Variants in TASOR2 observed in about 807,000 individuals in gnomAD.
TASOR2 encodes the protein protein TASOR 2.
Under a neutral mutation model 199.5 loss-of-function variants are expected in TASOR2, and 84 were observed. The ratio of observed to expected loss-of-function variants is 0.42; its 90% CI spans 0.35 to 0.50. The LOEUF is 0.50. TASOR2 is among the 20% of genes least tolerant of loss of function. TASOR2 has a pLI of 0.02. For synonymous variants in TASOR2, 1,103 were observed against 1,046.6 expected (o/e 1.05, Z -1.04); for missense variants, 2,796 against 2,835.9 (o/e 0.99, Z 0.32).
rs1033673238 is a variant in TASOR2, at chr10:5,704,029, G to T, written c.-287-8794G>T. On this transcript the variant is annotated intron_variant, in intron 1 of 20. Coordinates refer to ENST00000328090, the Ensembl canonical transcript of TASOR2. ...ACCTGAGGTCAGGAGTTTGAGACCAGCCTGGCCAAGATGGTGAAACCCCAT... is the reference window on the plus strand; with the variant it reads ...ACCTGAGGTCAGGAGTTTGAGACCATCCTGGCCAAGATGGTGAAACCCCAT... 3.3e-5 allele frequency among the ~76,000 whole-genome samples: 5 copies of T among 151,928 alleles called. No individual in the cohort carries two copies. In the East Asian group the frequency reaches 9.8e-4, roughly 30 times the overall value.
exon 20 of TASOR2, chr10:5,762,557 C>A: frequency 2.4e-6 from 3 of 1,226,370 alleles, no homozygotes; most frequent in Non-Finnish European, 3.4e-6. Context: ...CCAGAGAAGT[C>A]TTTGAAAATA....
In TASOR2 at chr10:5,689,771, T is replaced by C. The variant is rs1179371749; in HGVS notation, c.-288+4596T>C. Among the ~76,000 whole-genome samples the C allele has an allele frequency of 6.6e-6, 1 of 152,228 alleles. No individual in the cohort carries two copies. The highest frequency in any genetic ancestry group is 2.4e-5 in the African/African-American group (1 of 41,464). On this transcript the variant is annotated intron_variant, in intron 1 of 20. Transcript: ENST00000328090. This position sits in a 1 kb window ranked among gnomAD's most constrained non-coding sequence, Gnocchi z 4.1. The stretch of plus-strand genomic sequence containing the variant: ...TTTTAAATTATCTACATAGTAAATA[T>C]TCTCTTCTGGTCTTTTACTCTTCTT...
chr10:5,713,248 A>T (rs1343902399), intron 2 of TASOR2, among the ~76,000 whole-genome samples: 1 of 152,110 alleles, frequency 6.6e-6, no homozygotes, highest in Non-Finnish European at 1.5e-5. Flanking sequence ...TTTAATCGAA[A>T]CTTTGTTTCC....
intron 10 of TASOR2, among the ~76,000 whole-genome samples, chr10:5,727,576 T>C (rs72774079): frequency 0.016 from 2,432 of 152,232 alleles, 30 homozygotes; most frequent in Middle Eastern, 0.041. Flanking sequence ...AAATTACTCA[T>C]ACAGTGCATA....
At position 5,742,109 on chromosome 10, in the gene TASOR2, T is replaced by G; in HGVS notation, c.2340T>G (p.Thr780=). ...TGTAAACTCTTAGGCCCTGGAATAC[T>G]GATTTGCCTGATAATGTGGAAGAAG... Residue 780 remains threonine (T), a synonymous_variant, in exon 14 of 21, where the codon ACT becomes ACG. Transcript: ENST00000328090. This position sits in a 1 kb window ranked among gnomAD's most constrained non-coding sequence, Gnocchi z 4.2. 6.2e-7 allele frequency: 1 copy of G among 1,613,826 alleles called. No homozygotes were observed. The highest frequency in any genetic ancestry group is 8.5e-7 in the Non-Finnish European group (1 of 1,179,944).
At chr10:5,749,799 C>G in exon 15 of TASOR2, 1 of 1,614,016 alleles carries the variant, frequency 6.2e-7, no homozygotes, top group South Asian at 1.1e-5. Context: ...AGAATAGCAA[C>G]CAATTCATTT....
At position 5,722,519 on chromosome 10, in the gene TASOR2, G is replaced by A. The variant is rs1833502986; in HGVS notation, c.147-1158G>A. 6.6e-6 allele frequency among the ~76,000 whole-genome samples: 1 copy of A among 151,960 alleles called. No homozygotes were observed. The highest frequency in any genetic ancestry group is 1.5e-5 in the Non-Finnish European group (1 of 67,976). The stretch of plus-strand genomic sequence containing the variant: ...ACACAGAGAGGTATGTGACATAAAA[G>A]GGCATCAGGTTTGCATCTTACTCCC... On this transcript the variant is annotated intron_variant, in intron 6 of 20. Coordinates refer to ENST00000328090, the Ensembl canonical transcript of TASOR2. This position sits in a 1 kb window ranked among gnomAD's most constrained non-coding sequence, Gnocchi z 4.0.
rs533602772 is a variant in TASOR2, at chr10:5,751,734, A to C, written c.6606+1707A>C. On this transcript the variant is annotated intron_variant, in intron 15 of 20. Coordinates refer to ENST00000328090, the Ensembl canonical transcript of TASOR2. The surrounding 1 kb of genome is among the most constrained non-coding windows in gnomAD (Gnocchi z 5.3). Reference sequence around the variant, plus strand: ...AGAACCACCATCTAGGCACTGCGTGAATGAACTCAGTGTCACTTGGTGTCT... The same window carrying C: ...AGAACCACCATCTAGGCACTGCGTGCATGAACTCAGTGTCACTTGGTGTCT... 1.3e-5 allele frequency among the ~76,000 whole-genome samples: 2 copies of C among 152,368 alleles called. No homozygotes were observed. Among genetic ancestry groups the C allele is most frequent in the South Asian group, 4.1e-4 (2 of 4,826 alleles).
intron 1 of TASOR2, among the ~76,000 whole-genome samples, chr10:5,693,167 G>A (rs1836680890): frequency 6.6e-6 from 1 of 152,192 alleles, no homozygotes; most frequent in Admixed American, 6.5e-5. Context: ...CTTTTGTATG[G>A]TACCCGAAGG....
chr10:5,735,166 C>T (rs139558706), intron 11 of TASOR2, 138 bp from the exon 13 acceptor site: 488 of 985,744 alleles, frequency 5.0e-4, no homozygotes, highest in Non-Finnish European at 5.7e-4. Flanking sequence ...TAATTAAATA[C>T]CTGAAACTTC....
intron 15 of TASOR2, among the ~76,000 whole-genome samples, chr10:5,755,046 CAAAA>C (rs34884255): frequency 5.1e-5 from 4 of 78,122 alleles, no homozygotes; most frequent in Non-Finnish European, 9.5e-5. Flanking sequence ...ACTCTTGTCT[CAAAA>C]AAAAAAAAAA....
intron 6 of TASOR2, 63 bp downstream of exon 7, chr10:5,721,033 C>A: frequency 7.6e-7 from 1 of 1,314,776 alleles, no homozygotes; most frequent in Non-Finnish European, 1.1e-6. Context: ...GTTTTTTTTC[C>A]TCACCTCATT....
At chr10:5,735,209 C>A in intron 11 of TASOR2, 95 bp from the exon 13 acceptor site, 1 of 1,452,312 alleles carries the variant, frequency 6.9e-7, no homozygotes, top group Non-Finnish European at 9.3e-7. Flanking sequence ...AGTTACTGTC[C>A]CCAAAATAAA....
intron 1 of TASOR2, among the ~76,000 whole-genome samples, chr10:5,691,080 T>G (rs1349903749): frequency 7.2e-6 from 1 of 139,230 alleles, no homozygotes. Context: ...AGTCCCAGCT[T>G]CTTGGGAGGC....
intron 1 of TASOR2, among the ~76,000 whole-genome samples, chr10:5,688,395 A>ATTTTTTTTTTTT (rs34362647): frequency 4.0e-5 from 4 of 99,892 alleles, no homozygotes; most frequent in Non-Finnish European, 7.5e-5. Flanking sequence ...CTAATTTTTA[A>ATTTTTTTTTTTT]TTTTTTTTTT....
chr10:5,685,293 G>A lies in TASOR2; in HGVS notation c.-288+118G>A. Reference sequence around the variant, plus strand: ...CTGCGAGGGTCGACGCGTTCTCCTTGCCTTTTGCCGCGCTCCGGGTGAGGG... The same window carrying A: ...CTGCGAGGGTCGACGCGTTCTCCTTACCTTTTGCCGCGCTCCGGGTGAGGG... On this transcript the variant is annotated intron_variant, in intron 1 of 20. Coordinates refer to ENST00000328090, the Ensembl canonical transcript of TASOR2. This position sits in a 1 kb window ranked among gnomAD's most constrained non-coding sequence, Gnocchi z 5.4. The A allele has an allele frequency of 2.5e-6, 1 of 396,650 alleles. No homozygotes were observed. The highest frequency in any genetic ancestry group is 3.6e-5 in the East Asian group (1 of 28,002). The allele number at this position is 396,650 out of a possible 1,614,324, so 24.6% of individuals were successfully genotyped here.
intron 15 of TASOR2, among the ~76,000 whole-genome samples, chr10:5,753,708 C>T (rs1218250411): frequency 6.6e-6 from 1 of 152,162 alleles, no homozygotes; most frequent in Non-Finnish European, 1.5e-5. Flanking sequence ...GTTTTATATT[C>T]CCTCTGTTGT....
intron 1 of TASOR2, among the ~76,000 whole-genome samples, chr10:5,695,999 C>T (rs1324027062): frequency 2.0e-5 from 3 of 152,162 alleles, no homozygotes; most frequent in African/African-American, 7.2e-5. Flanking sequence ...GACAACTACT[C>T]TCTCCTCTAC....
Position 5,729,087 on chromosome 10 carries a change from G to A in TASOR2, c.488-1400G>A, listed in dbSNP as rs548154170. Among the ~76,000 whole-genome samples the A allele has an allele frequency of 1.2e-4, 18 of 152,264 alleles. No homozygotes were observed. In the East Asian group the frequency reaches 3.1e-3, roughly 26 times the overall value. On this transcript the variant is annotated intron_variant, in intron 10 of 20. Coordinates refer to ENST00000328090, the Ensembl canonical transcript of TASOR2. ...AGAGTGGCCGGGCATAGTGGCTCAC[G>A]CCTGTAATCCCAGCACTTTGGGAGG...
Sources: gnomAD v4.1 joint callset for allele counts (sites outside exome capture counted in the v4.1 genomes callset) on GRCh38, gnomAD v4.1.1 for gene constraint, Gnocchi (gnomAD v3.1) non-coding constraint, MANE v1.5 for transcripts, NCBI Gene and HGNC (gene_info 2026-07-23, HGNC 2026-07-21) for gene names.